ONECUT2: variants seen among roughly 807,000 people sequenced by gnomAD.
ONECUT2 encodes the protein one cut domain family member 2.
Under a neutral mutation model 27.9 loss-of-function variants are expected in ONECUT2, and 10 were observed. The ratio of observed to expected loss-of-function variants is 0.36; its 90% CI spans 0.22 to 0.61. The LOEUF (loss-of-function observed/expected upper bound fraction) is 0.61, where lower values mean the gene tolerates loss of function less well. ONECUT2 is among the 20% of genes least tolerant of loss of function. ONECUT2 has a pLI of 0.73. For synonymous variants in ONECUT2, 334 were observed against 315.1 expected, an observed-to-expected ratio of 1.06 and a Z score of -0.64; for missense variants, 686 against 721.0, an observed-to-expected ratio of 0.95 and a Z score of 0.56.
intron 1 of ONECUT2, chr18:57,467,097 C>T: frequency 2.2e-6 from 1 of 447,794 alleles, no homozygotes; most frequent in South Asian, 1.6e-5. Context: ...TTCCTGAGTC[C>T]CCTTCAGTGA....
chr18:57,470,797 A>G (rs1456108390), intron 1 of ONECUT2, among the ~76,000 whole-genome samples: 1 of 151,876 alleles, frequency 6.6e-6, no homozygotes, highest in Non-Finnish European at 1.5e-5. Context: ...CCACACACAC[A>G]CACACACAAC....
At chr18:57,473,210 G>T (rs751333246) in intron 1 of ONECUT2, among the ~76,000 whole-genome samples, 9 of 152,316 alleles carry the variant, frequency 5.9e-5, no homozygotes, top group Admixed American at 2.0e-4. Flanking sequence ...GTGCAGTTGG[G>T]TATGGGTGCC....
chr18:57,468,336 G>A (rs1009953186), intron 1 of ONECUT2, among the ~76,000 whole-genome samples: 4 of 152,160 alleles, frequency 2.6e-5, no homozygotes, highest in African/African-American at 7.2e-5. Flanking sequence ...GATCAGGCAC[G>A]TTTGGAGAAA....
At chr18:57,459,438 A>G (rs375314551) in intron 1 of ONECUT2, among the ~76,000 whole-genome samples, 1 of 152,246 alleles carries the variant, frequency 6.6e-6, no homozygotes, top group Non-Finnish European at 1.5e-5. Context: ...TATAAAGCAA[A>G]CATTAATAGA....
intron 1 of ONECUT2, among the ~76,000 whole-genome samples, chr18:57,447,346 G>A (rs1423505236): frequency 6.6e-6 from 1 of 152,196 alleles, no homozygotes; most frequent in African/African-American, 2.4e-5. Context: ...CCTCTACTGC[G>A]GTTAAATCCA....
In ONECUT2 at chr18:57,449,304, G is replaced by A. The variant is rs190469124; in HGVS notation, c.1228+12360G>A. ...GGAGGTTAGATACAGCATACAGGAG[G>A]CAGCCAATAAATATCTGTGAATAAG... On this transcript the variant is annotated intron_variant, in intron 1 of 1. Transcript: ENST00000491143. Among the ~76,000 whole-genome samples the A allele has an allele frequency of 9.1e-4, 139 of 152,288 alleles. 1 individual carries two copies. The highest frequency in any genetic ancestry group is 3.2e-3 in the African/African-American group (135 of 41,566).
At position 57,435,377 on chromosome 18, in the gene ONECUT2, G is replaced by A. The variant is rs576506054; in HGVS notation, c.-340G>A. Among the ~76,000 whole-genome samples, 1 of 151,890 alleles carries A rather than the reference G, an allele frequency of 6.6e-6. No homozygotes were observed. The highest frequency in any genetic ancestry group is 2.1e-4 in the South Asian group (1 of 4,816). ...GTTGGCTGCCCCGGCGAGCGGCAGA[G>A]CCCTTCTGGACAGCTCCCGCTCACC... On this transcript the variant is annotated 5_prime_UTR_variant, in exon 1 of 2. Coordinates refer to ENST00000491143, the MANE Select transcript of ONECUT2 (RefSeq NM_004852.3).
chr18:57,437,202 C>CT (rs1282447064), intron 1 of ONECUT2, among the ~76,000 whole-genome samples: 1 of 152,004 alleles, frequency 6.6e-6, no homozygotes, highest in African/African-American at 2.4e-5. Context: ...GACCCCCCCC[C>CT]ATTTCATTCG....
At chr18:57,461,566 A>G (rs631373) in intron 1 of ONECUT2, among the ~76,000 whole-genome samples, 143,823 of 152,282 alleles carry the variant, frequency 0.94, 68,449 homozygotes, top group East Asian at 1. Context: ...GCAAGACAGG[A>G]AAGGGAAGAA....
chr18:57,444,894 G>A (rs1226702479), intron 1 of ONECUT2, among the ~76,000 whole-genome samples: 1 of 152,098 alleles, frequency 6.6e-6, no homozygotes, highest in Non-Finnish European at 1.5e-5. Context: ...AAGAGAGGGG[G>A]TCAGGAGGCA....
intron 1 of ONECUT2, among the ~76,000 whole-genome samples, chr18:57,464,723 A>G (rs949012008): frequency 6.6e-6 from 1 of 152,236 alleles, no homozygotes; most frequent in Non-Finnish European, 1.5e-5. Context: ...CTGCAGATTC[A>G]TTAGTGTAGT....
rs896801470 is a variant in ONECUT2, at chr18:57,479,308, T to C, written c.*2585T>C. 1 of 152,450 alleles carries C rather than the reference T, an allele frequency of 6.6e-6. No homozygotes were observed. 9.4% of individuals were successfully genotyped at this position (152,450 alleles called of 1,614,324 possible). A position where few individuals can be genotyped will look rare whatever the true frequency, so the allele number is the denominator to read the frequency against. ...TACTTTTCTATTAGCTTTTTAAAAA[T>C]CAGCTGTAAAGTTGCATTTCTAAAG... On this transcript the variant is annotated 3_prime_UTR_variant, in exon 2 of 2. Transcript: ENST00000491143.
At chr18:57,442,439 G>A (rs1343138926) in intron 1 of ONECUT2, among the ~76,000 whole-genome samples, 1 of 152,226 alleles carries the variant, frequency 6.6e-6, no homozygotes, top group Admixed American at 6.5e-5. Context: ...GCAGAGGGTA[G>A]GCTGGTGTTT....
At chr18:57,451,271 CTTGAA>C (rs1264483468) in intron 1 of ONECUT2, among the ~76,000 whole-genome samples, 1 of 152,128 alleles carries the variant, frequency 6.6e-6, no homozygotes, top group African/African-American at 2.4e-5. Flanking sequence ...TTTCTGTTGC[CTTGAA>C]TTGAATGCAT....
At chr18:57,465,403 A>G (rs1409424120) in intron 1 of ONECUT2, among the ~76,000 whole-genome samples, 1 of 152,188 alleles carries the variant, frequency 6.6e-6, no homozygotes, top group Non-Finnish European at 1.5e-5. Context: ...GGCTTAAGCA[A>G]TCCGCCCGCC....
rs2050145229 is a variant in ONECUT2 at position 57,436,735 on chromosome 18, A to G, written c.1019A>G (p.Gln340Arg). 6.2e-7 allele frequency: 1 copy of G among 1,613,822 alleles called. No homozygotes were observed. Among genetic ancestry groups the G allele is most frequent in the Non-Finnish European group, 8.5e-7 (1 of 1,180,038 alleles). The change falls in exon 1 of 2, where the codon CAG becomes CGG. Residue 340 changes from glutamine (Q) to arginine (R), a missense_variant. Around this residue, in one of 4 missense-constraint regions of ONECUT2, gnomAD observed 47 missense variants for 86.0 expected, o/e 0.55. Transcript: ENST00000491143. The surrounding 1 kb of genome is among the most constrained non-coding windows in gnomAD (Gnocchi z 5.9). ...LEEINTKEVA[Q>R]RITAELKRYS... ...GAAATCAACACCAAAGAGGTGGCCC[A>G]GCGCATCACAGCGGAGCTGAAGCGC...
Position 57,436,240 on chromosome 18 carries a change from A to T in ONECUT2, c.524A>T (p.His175Leu), listed in dbSNP as rs777199013. The T allele has an allele frequency of 6.2e-7, 1 of 1,603,158 alleles. No homozygotes were observed. Among genetic ancestry groups the T allele is most frequent in the Admixed American group, 1.7e-5 (1 of 59,170 alleles). Reference protein sequence around the residue: ...DKFHHPHPHHHPHHHHHHHHQ... With the variant: ...DKFHHPHPHHLPHHHHHHHHQ... The stretch of plus-strand genomic sequence containing the variant: ...TTCCACCACCCTCACCCGCACCACC[A>T]TCCGCACCACCACCACCACCACCAC... Residue 175 changes from histidine to leucine, a missense_variant, in exon 1 of 2, where the codon CAT (histidine) becomes CTT (leucine). Coordinates refer to ENST00000491143, the MANE Select transcript of ONECUT2 (RefSeq NM_004852.3). This position sits in a 1 kb window ranked among gnomAD's most constrained non-coding sequence, Gnocchi z 5.9.
At position 57,487,860 on chromosome 18, in the gene ONECUT2, T is replaced by C. The variant is rs565386983; in HGVS notation, c.*11137T>C. The stretch of plus-strand genomic sequence containing the variant: ...AAACTATTTTTCAGTTGCAGGGGAT[T>C]GGGCAAACTTGTTCTTTCTTATACT... On this transcript the variant is annotated 3_prime_UTR_variant, in exon 2 of 2. Transcript: ENST00000491143. 99 of 152,342 alleles carry C rather than the reference T, an allele frequency of 6.5e-4. 1 individual carries two copies. The highest frequency in any genetic ancestry group is 2.3e-3 in the African/African-American group (96 of 41,580). The allele number at this position is 152,342 out of a possible 1,614,324, so 9.4% of individuals were successfully genotyped here. A position where few individuals can be genotyped will look rare whatever the true frequency, so the allele number is the denominator to read the frequency against.
chr18:57,437,125 C>T (rs1245393459), intron 1 of ONECUT2, among the ~76,000 whole-genome samples, 181 bp downstream of exon 1: 1 of 152,140 alleles, frequency 6.6e-6, no homozygotes, highest in Non-Finnish European at 1.5e-5. Flanking sequence ...CCGCTCTTCC[C>T]CTACTTTCCC....
Sources: allele counts gnomAD v4.1 joint callset (sites outside exome capture counted in the v4.1 genomes callset), GRCh38; gene constraint gnomAD v4.1.1; regional missense constraint gnomAD v4.1.1; non-coding constraint Gnocchi (gnomAD v3.1); transcripts MANE v1.5; gene names NCBI Gene and HGNC (gene_info 2026-07-23, HGNC 2026-07-21).